FBXL7: variants seen among roughly 807,000 people sequenced by gnomAD.
The protein encoded by FBXL7 is F-box/LRR-repeat protein 7.
FBXL7 carries 12 observed loss-of-function variants against 38.3 expected under a neutral mutation model. The observed-to-expected ratio is 0.31, with a 90% CI of 0.20 to 0.51. FBXL7 has a LOEUF of 0.51. FBXL7 is among the 20% of genes least tolerant of loss of function. The pLI is 0.98. For synonymous variants in FBXL7, 297 were observed against 300.9 expected (o/e 0.99, Z 0.13); for missense variants, 567 against 676.4 (o/e 0.84, Z 1.79).
At chr5:15,549,937 G>A (rs1385073368) in intron 1 of FBXL7, among the ~76,000 whole-genome samples, 1 of 152,212 alleles carries the variant, frequency 6.6e-6, no homozygotes, top group Non-Finnish European at 1.5e-5. Context: ...GGGATGCTTA[G>A]AAACGTAGGC....
At chr5:15,857,701 A>G (rs569120560) in intron 2 of FBXL7, among the ~76,000 whole-genome samples, 2 of 152,346 alleles carry the variant, frequency 1.3e-5, no homozygotes, top group Admixed American at 1.3e-4. Context: ...GTCTTAGGCA[A>G]AGTGAGAAAT....
At chr5:15,711,057 A>G (rs539558628) in intron 2 of FBXL7, among the ~76,000 whole-genome samples, 24 of 152,312 alleles carry the variant, frequency 1.6e-4, no homozygotes, top group African/African-American at 5.5e-4. Context: ...GTTTTCCTGC[A>G]CAAGCTCTCT....
intron 2 of FBXL7, among the ~76,000 whole-genome samples, chr5:15,674,767 C>T (rs919229575): frequency 6.6e-6 from 1 of 152,206 alleles, no homozygotes; most frequent in Non-Finnish European, 1.5e-5. Flanking sequence ...TCAGGCAATT[C>T]TGATATTTTG....
chr5:15,786,172 T>C (rs373679817), intron 2 of FBXL7, among the ~76,000 whole-genome samples: 1 of 152,250 alleles, frequency 6.6e-6, no homozygotes, highest in East Asian at 1.9e-4. Context: ...TAGGCGTTTC[T>C]ACCGGTGGGT....
chr5:15,548,985 C>T (rs922576603), intron 1 of FBXL7, among the ~76,000 whole-genome samples: 1 of 152,052 alleles, frequency 6.6e-6, no homozygotes, highest in East Asian at 1.9e-4. Flanking sequence ...AGCAGAAACA[C>T]CTTAGGGTAA....
chr5:15,538,888 G>T lies in FBXL7; in HGVS notation c.37+38175G>T, dbSNP rs994437124. Among the ~76,000 whole-genome samples the T allele has an allele frequency of 3.2e-4, 48 of 152,186 alleles. 1 individual carries two copies. Among genetic ancestry groups the T allele is most frequent in the Admixed American group, 3.1e-3 (47 of 15,272 alleles). On this transcript the variant is annotated intron_variant, in intron 1 of 3. Transcript: ENST00000504595. ...GAAAGCATGTCTCGGTAATTCTTCT[G>T]TACAGCTTTAGAGACAGCATCTATT...
At chr5:15,789,636 CT>C (rs149410225) in intron 2 of FBXL7, among the ~76,000 whole-genome samples, 62 of 152,326 alleles carry the variant, frequency 4.1e-4, no homozygotes, top group Non-Finnish European at 7.2e-4. Context: ...TAGGCTTGCA[CT>C]TTCCCCATCC....
chr5:15,762,766 A>G (rs956205419), intron 2 of FBXL7, among the ~76,000 whole-genome samples: 1 of 152,224 alleles, frequency 6.6e-6, no homozygotes, highest in African/African-American at 2.4e-5. Flanking sequence ...AAACTTGTTT[A>G]TAAGTAATTT....
intron 2 of FBXL7, among the ~76,000 whole-genome samples, chr5:15,769,898 G>T (rs543198480): frequency 6.6e-6 from 1 of 152,104 alleles, no homozygotes; most frequent in Non-Finnish European, 1.5e-5. Flanking sequence ...TGTGAGACCC[G>T]ATTGTGCTAC....
intron 2 of FBXL7, among the ~76,000 whole-genome samples, chr5:15,769,374 T>G (rs937604698): frequency 1.3e-5 from 2 of 152,188 alleles, no homozygotes; most frequent in African/African-American, 4.8e-5. Context: ...AAATCCTCCA[T>G]AGGAGAAATC....
chr5:15,519,342 CA>C (rs1561012980), intron 1 of FBXL7, among the ~76,000 whole-genome samples: 1 of 147,848 alleles, frequency 6.8e-6, no homozygotes, highest in Non-Finnish European at 1.5e-5. Context: ...GACTCCATCT[CA>C]AAAAAAAATT....
chr5:15,665,355 A>G (rs568633178), intron 2 of FBXL7, among the ~76,000 whole-genome samples: 18 of 152,300 alleles, frequency 1.2e-4, no homozygotes, highest in African/African-American at 4.1e-4. Flanking sequence ...TTAAAAAACC[A>G]TGACATTTTA....
intron 2 of FBXL7, among the ~76,000 whole-genome samples, chr5:15,638,259 C>G (rs1236299179): frequency 2.0e-5 from 3 of 152,192 alleles, no homozygotes; most frequent in Admixed American, 1.3e-4. Context: ...TCCAGACTTT[C>G]ACGTGCAGTG....
At chr5:15,620,398 AATTTTTT>A (rs1486224880) in intron 2 of FBXL7, among the ~76,000 whole-genome samples, 2 of 139,578 alleles carry the variant, frequency 1.4e-5, no homozygotes, top group Non-Finnish European at 3.0e-5. Context: ...ACGCCCAGCT[AATTTTTT>A]GTTTTTTGTT....
chr5:15,618,768 G>A (rs973562334), intron 2 of FBXL7, among the ~76,000 whole-genome samples: 5 of 152,192 alleles, frequency 3.3e-5, no homozygotes, highest in Non-Finnish European at 5.9e-5. Context: ...AGCACTGGAA[G>A]AGATCTGAGT....
chr5:15,886,911 A>G (rs967203869), intron 2 of FBXL7, among the ~76,000 whole-genome samples: 1 of 152,154 alleles, frequency 6.6e-6, no homozygotes, highest in African/African-American at 2.4e-5. Context: ...AAGTGCCATG[A>G]AGATTTCTTT....
At chr5:15,667,416 T>C (rs1409233083) in intron 2 of FBXL7, among the ~76,000 whole-genome samples, 1 of 152,168 alleles carries the variant, frequency 6.6e-6, no homozygotes, top group African/African-American at 2.4e-5. Context: ...CTTCTTACTT[T>C]TGGAAAAGAC....
chr5:15,601,789 G>A (rs1278334768), intron 1 of FBXL7, among the ~76,000 whole-genome samples: 7 of 151,990 alleles, frequency 4.6e-5, no homozygotes, highest in African/African-American at 9.7e-5. Flanking sequence ...TATTTAATTC[G>A]GCAGAAAATA....
At chr5:15,900,708 A>T (rs1471108508) in intron 2 of FBXL7, among the ~76,000 whole-genome samples, 1 of 152,222 alleles carries the variant, frequency 6.6e-6, no homozygotes, top group East Asian at 1.9e-4. Flanking sequence ...AAAAATGATG[A>T]TTATAAGAAT....
Sources: gnomAD v4.1 joint callset for allele counts (sites outside exome capture counted in the v4.1 genomes callset) on GRCh38, gnomAD v4.1.1 for gene constraint, MANE v1.5 for transcripts, NCBI Gene and HGNC (gene_info 2026-07-23, HGNC 2026-07-21) for gene names.